The following PHKA2 variants were observed in gnomAD, a reference collection of about 807,000 sequenced individuals.
The protein encoded by PHKA2 is phosphorylase kinase regulatory subunit alpha 2.
PHKA2 carries 31 observed loss-of-function variants against 102.0 expected under a neutral mutation model. The observed-to-expected ratio is 0.30, with a 90% CI of 0.23 to 0.41. The LOEUF (loss-of-function observed/expected upper bound fraction) is 0.41. Among genes scored for constraint, PHKA2 ranks in the 10% least tolerant of loss-of-function variants. The pLI is 1.00. For synonymous variants in PHKA2, 455 were observed against 416.2 expected (o/e 1.09, Z -1.13); for missense variants, 858 against 1,023.1 (o/e 0.84, Z 2.20).
chrX:18,918,248 A>G (rs150372748), intron 19 of PHKA2, among the ~76,000 whole-genome samples: 1 of 112,625 alleles, frequency 8.9e-6, no homozygotes, highest in East Asian at 2.8e-4. Flanking sequence ...ACCTTTCGAA[A>G]AAACAGAGTA....
At chrX:18,926,017 C>A (rs913208390) in intron 14 of PHKA2, among the ~76,000 whole-genome samples, 2 of 111,832 alleles carry the variant, frequency 1.8e-5, no homozygotes, top group African/African-American at 3.2e-5. Flanking sequence ...AATAAAACTA[C>A]TAAAAGGACT....
intron 7 of PHKA2, 57 bp downstream of exon 7, chrX:18,943,653 A>G (rs754513543): frequency 1.1e-6 from 1 of 926,935 alleles, no homozygotes; most frequent in African/African-American, 1.9e-5. Context: ...ACTGGATCCC[A>G]GGCCTTCCAT....
At chrX:18,935,545 G>GC (rs1360979219) in intron 11 of PHKA2, among the ~76,000 whole-genome samples, 1 of 111,216 alleles carries the variant, frequency 9.0e-6, no homozygotes, top group Non-Finnish European at 1.9e-5. Flanking sequence ...CCATGGTCAA[G>GC]CGTGTTCCAC....
rs952132885 is a variant in PHKA2 at position 18,905,852 on chromosome X, C to G, written c.2814G>C (p.Glu938Asp). 1.3e-5 allele frequency: 15 copies of G among 1,186,808 alleles called. No individual in the cohort carries two copies. Among genetic ancestry groups the G allele is most frequent in the Non-Finnish European group, 1.7e-5 (15 of 874,244 alleles). ...LARSLNCSGE[E>D]ASESLMNLSP... Reference sequence around the variant, plus strand: ...TGAGGTTCATCAAACTTTCAGAAGCCTCTTCTCCTAAAAACAAATATCTTG... The same window carrying G: ...TGAGGTTCATCAAACTTTCAGAAGCGTCTTCTCCTAAAAACAAATATCTTG... The change falls in exon 26 of 33, where the codon GAG (glutamate) becomes GAC (aspartate). Residue 938 changes from glutamate to aspartate, a missense_variant. This residue lies in a region of PHKA2 where 671 missense variants were observed against 745.2 expected (regional missense o/e 0.90). Transcript: ENST00000379942.
intron 10 of PHKA2, 63 bp from the exon 11 acceptor site, chrX:18,936,213 G>A (rs978482402): frequency 2.4e-5 from 18 of 757,489 alleles, no homozygotes; most frequent in Non-Finnish European, 3.4e-5. Flanking sequence ...TGTAACAGCG[G>A]TGCAACATAG....
At chrX:18,946,620 T>C (rs1028370101) in intron 5 of PHKA2, among the ~76,000 whole-genome samples, 2 of 109,811 alleles carry the variant, frequency 1.8e-5, no homozygotes, top group Non-Finnish European at 3.8e-5. Flanking sequence ...TCCTTTCCTC[T>C]GTACCCTTTT....
chrX:18,903,956 G>A (rs960859785), intron 26 of PHKA2, among the ~76,000 whole-genome samples: 4 of 111,618 alleles, frequency 3.6e-5, no homozygotes, highest in Admixed American at 9.5e-5. Flanking sequence ...CTCAACTCCC[G>A]GCCACCTGCA....
intron 18 of PHKA2, 92 bp downstream of exon 18, chrX:18,919,940 T>C: frequency 1.5e-6 from 1 of 660,885 alleles, no homozygotes; most frequent in South Asian, 2.3e-5. Flanking sequence ...TTATCAATCA[T>C]TGTCTATATT....
chrX:18,917,200 C>A (rs1004961234), intron 19 of PHKA2, among the ~76,000 whole-genome samples: 7 of 110,397 alleles, frequency 6.3e-5, no homozygotes, highest in Admixed American at 5.9e-4. Context: ...AACAGCAACA[C>A]CAACACACTG....
At chrX:18,894,025 A>G (rs2047482491) in intron 32 of PHKA2, 179 bp downstream of exon 32, 4 of 499,631 alleles carry the variant, frequency 8.0e-6, no homozygotes, top group Non-Finnish European at 1.4e-5. Flanking sequence ...TCCATCCCCA[A>G]AGGTCTTGAG....
chrX:18,895,731 A>C (rs2047536619), intron 30 of PHKA2: 1 of 123,602 alleles, frequency 8.1e-6, no homozygotes, highest in South Asian at 2.8e-4. Flanking sequence ...GTATTGCGCC[A>C]GTGAGTCCGA....
At position 18,951,909 on chromosome X, in the gene PHKA2, G is replaced by A. The variant is rs149618214; in HGVS notation, c.285+585C>T. Among the ~76,000 whole-genome samples, 471 of 109,443 alleles carry A rather than the reference G, an allele frequency of 4.3e-3. 4 individuals are homozygous for A. The highest frequency in any genetic ancestry group is 0.015 in the African/African-American group (437 of 30,030). On this transcript the variant is annotated intron_variant, in intron 3 of 32. Coordinates refer to ENST00000379942, the MANE Select transcript of PHKA2 (RefSeq NM_000292.3). ...AACAATAATATATGGCTTTCTAGAC[G>A]TGGCTTTTAAAAAAAAATGTTTTCT...
In PHKA2 at chrX:18,894,380, C is replaced by A; in HGVS notation, c.3361G>T (p.Ala1121Ser). The change falls in exon 32 of 33, where the codon GCT becomes TCT. Residue 1121 changes from alanine to serine, a missense_variant. Physicochemically the swap from Ala to Ser is moderately conservative, Grantham distance 99. Around this residue, in one of 2 missense-constraint regions of PHKA2, gnomAD observed 671 missense variants for 745.2 expected, o/e 0.90. Transcript: ENST00000379942. ...REMTPHEIKF[A>S]VHVESVLNRV... ...TTCAGCACCGATTCGACATGGACAG[C>A]AAACTTGATCTCATGCGGGGTCATC... is the stretch of plus-strand genomic sequence containing the variant. The A allele has an allele frequency of 8.3e-7, 1 of 1,211,518 alleles. No homozygotes were observed. The highest frequency in any genetic ancestry group is 1.1e-6 in the Non-Finnish European group (1 of 895,322).
At chrX:18,926,062 A>G (rs2048205273) in intron 14 of PHKA2, among the ~76,000 whole-genome samples, 1 of 112,680 alleles carries the variant, frequency 8.9e-6, no homozygotes, top group Admixed American at 9.4e-5. Flanking sequence ...TTAGTATTGA[A>G]CCATAATAGT....
intron 26 of PHKA2, 56 bp from the exon 27 acceptor site, chrX:18,901,659 G>T: frequency 1.2e-6 from 1 of 807,175 alleles, no homozygotes; most frequent in Non-Finnish European, 1.9e-6. Context: ...TCCAACCCGA[G>T]GCAGGATCTG....
At position 18,900,636 on chromosome X, in the gene PHKA2, G is replaced by C. The variant is rs376234440; in HGVS notation, c.3057+34C>G. ...TCCACATTCAAGCCAGAAAGAACAG[G>C]AAGTAAAGGACGAACAAGGCAAAGG... On this transcript the variant is annotated intron_variant, in intron 28 of 32. Coordinates refer to ENST00000379942, the MANE Select transcript of PHKA2 (RefSeq NM_000292.3). 141 of 1,174,579 alleles carry C rather than the reference G, an allele frequency of 1.2e-4. 1 individual carries two copies. Among genetic ancestry groups the C allele is most frequent in the Middle Eastern group, 2.3e-4 (1 of 4,279 alleles).
At chrX:18,931,538 A>G in intron 12 of PHKA2, 103 bp downstream of exon 12, 1 of 618,277 alleles carries the variant, frequency 1.6e-6, no homozygotes, top group Non-Finnish European at 2.8e-6. Flanking sequence ...AAGATGCAAA[A>G]GACATCCACA....
At chrX:18,981,993 C>T (rs1007276545) in intron 1 of PHKA2, among the ~76,000 whole-genome samples, 20 of 112,111 alleles carry the variant, frequency 1.8e-4, no homozygotes, top group Non-Finnish European at 3.0e-4. Context: ...CAAGCTTCAT[C>T]AGCTCTCCTT....
intron 1 of PHKA2, among the ~76,000 whole-genome samples, chrX:18,955,463 C>A (rs2048761067): frequency 9.2e-6 from 1 of 108,753 alleles, no homozygotes; most frequent in Non-Finnish European, 1.9e-5. Context: ...AAAAACCATC[C>A]AGTTGTACAG....
Sources: gnomAD v4.1 joint callset for allele counts (sites outside exome capture counted in the v4.1 genomes callset) on GRCh38, gnomAD v4.1.1 for gene constraint, gnomAD v4.1.1 regional missense constraint, MANE v1.5 for transcripts, NCBI Gene and HGNC (gene_info 2026-07-23, HGNC 2026-07-21) for gene names.